Variants in GPHN observed in about 807,000 individuals in gnomAD.
The protein encoded by GPHN is gephyrin.
Under a neutral mutation model 95.5 loss-of-function variants are expected in GPHN, and 17 were observed. The ratio of observed to expected loss-of-function variants is 0.18; its 90% CI spans 0.12 to 0.27. GPHN has a LOEUF of 0.27. Ranked by LOEUF, GPHN falls within the 10% of genes least tolerant of loss-of-function variation. The probability of loss-of-function intolerance (pLI) is 1.00; values close to 1 mark genes in which losing one functional copy is unlikely to be tolerated. For missense variants in GPHN, 660 were observed against 978.1 expected, an observed-to-expected ratio of 0.67 and a Z score of 4.34; for synonymous variants, 320 against 322.5, an observed-to-expected ratio of 0.99 and a Z score of 0.08.
the GPHN span, among the ~76,000 whole-genome samples, chr14:67,344,888 A>AAAAC: frequency 4.6e-5 from 7 of 151,902 alleles, no homozygotes; most frequent in Non-Finnish European, 8.8e-5. Flanking sequence ...CTCAAAGAAA[A>AAAAC]AAACAAACAA....
intron 12 of GPHN, among the ~76,000 whole-genome samples, chr14:67,097,721 A>T (rs1297445713): frequency 1.3e-5 from 2 of 152,080 alleles, no homozygotes; most frequent in Non-Finnish European, 2.9e-5. Context: ...GGTTTTCTTA[A>T]TTTGTATTTA....
At chr14:66,980,316 A>G (rs768616705) in intron 9 of GPHN, among the ~76,000 whole-genome samples, 1 of 152,188 alleles carries the variant, frequency 6.6e-6, no homozygotes, top group Non-Finnish European at 1.5e-5. Context: ...CATCCAGGCT[A>G]AGCCAGTCTC....
At chr14:67,123,539 G>A (rs2079124162) in intron 17 of GPHN, among the ~76,000 whole-genome samples, 1 of 152,152 alleles carries the variant, frequency 6.6e-6, no homozygotes, top group African/African-American at 2.4e-5. Context: ...GCCTAGGTGT[G>A]GTGGTACACA....
chr14:67,637,410 C>CAAAAAAAAAAAAAAAAAA, the GPHN span, among the ~76,000 whole-genome samples: 1 of 103,620 alleles, frequency 9.7e-6, no homozygotes, highest in African/African-American at 4.5e-5. Flanking sequence ...GACTCTGTCT[C>CAAAAAAAAAAAAAAAAAA]AAAAAAAAAA....
At chr14:67,321,313 G>C in the GPHN span, 3 of 1,545,608 alleles carry the variant, frequency 1.9e-6, no homozygotes, top group Non-Finnish European at 2.7e-6. Context: ...GTCATATAGA[G>C]TAATCTAGTG....
At chr14:67,396,008 G>A in the GPHN span, among the ~76,000 whole-genome samples, 3 of 152,234 alleles carry the variant, frequency 2.0e-5, no homozygotes, top group African/African-American at 7.2e-5. Context: ...GGATATTAAT[G>A]CCTACCTCAA....
chr14:67,081,461 C>A (rs1477676669), intron 11 of GPHN, among the ~76,000 whole-genome samples: 1 of 152,008 alleles, frequency 6.6e-6, no homozygotes, highest in East Asian at 1.9e-4. Context: ...TTTTTTCATG[C>A]TAATTTGCTT....
the GPHN span, among the ~76,000 whole-genome samples, chr14:67,728,553 G>A: frequency 6.6e-6 from 1 of 152,088 alleles, no homozygotes; most frequent in South Asian, 2.1e-4. Context: ...CTGTGACTTA[G>A]TTTTCTTTGT....
the GPHN span, among the ~76,000 whole-genome samples, chr14:67,378,595 T>G: frequency 6.6e-6 from 1 of 152,212 alleles, no homozygotes; most frequent in Non-Finnish European, 1.5e-5. Flanking sequence ...ATTTCTGTCC[T>G]GCAGTCCTCA....
chr14:67,392,958 C>T, the GPHN span: 7 of 982,374 alleles, frequency 7.1e-6, no homozygotes, highest in Non-Finnish European at 9.2e-6. Flanking sequence ...CAGGGCTCTA[C>T]GCAAGAGCAG....
chr14:66,942,561 T>A (rs538250018), intron 8 of GPHN, among the ~76,000 whole-genome samples: 22 of 152,330 alleles, frequency 1.4e-4, no homozygotes, highest in African/African-American at 5.3e-4. Flanking sequence ...ACAGAGAAGT[T>A]TGGTTATCTT....
chr14:66,916,928 G>A (rs893699653), intron 6 of GPHN, among the ~76,000 whole-genome samples: 87 of 152,224 alleles, frequency 5.7e-4, no homozygotes, highest in African/African-American at 2.1e-3. Context: ...AGACACAGCA[G>A]TAGTATCAGT....
At chr14:67,602,023 C>G in the GPHN span, among the ~76,000 whole-genome samples, 1 of 151,990 alleles carries the variant, frequency 6.6e-6, no homozygotes, top group African/African-American at 2.4e-5. Flanking sequence ...CTTTATTTTT[C>G]TAGTTTTATT....
At chr14:66,774,043 G>C (rs536364134) in intron 2 of GPHN, among the ~76,000 whole-genome samples, 1 of 118,524 alleles carries the variant, frequency 8.4e-6, no homozygotes, top group African/African-American at 3.5e-5. Context: ...TCGCCCTGTC[G>C]CCCAGGTTGG....
chr14:66,857,071 T>G (rs1393714990), intron 4 of GPHN, among the ~76,000 whole-genome samples: 2 of 152,168 alleles, frequency 1.3e-5, no homozygotes, highest in Non-Finnish European at 2.9e-5. Flanking sequence ...GTCACCATTA[T>G]TTGTTCTAGA....
chr14:67,213,509 GC>G, the GPHN span, among the ~76,000 whole-genome samples: 2 of 151,158 alleles, frequency 1.3e-5, no homozygotes, highest in Non-Finnish European at 3.0e-5. Context: ...ATTTTTTATG[GC>G]TGCATAGTAT....
chr14:66,527,881 T>C (rs1392596804), intron 1 of GPHN, among the ~76,000 whole-genome samples: 1 of 152,204 alleles, frequency 6.6e-6, no homozygotes, highest in Admixed American at 6.5e-5. Flanking sequence ...GTGTTTTACT[T>C]CCAATTATAT....
intron 5 of GPHN, among the ~76,000 whole-genome samples, chr14:66,897,044 A>C (rs935401851): frequency 1.2e-4 from 18 of 152,132 alleles, no homozygotes; most frequent in Admixed American, 2.0e-4. Flanking sequence ...TTTTCAAAAA[A>C]ATTTTATTAA....
the GPHN span, among the ~76,000 whole-genome samples, chr14:67,605,439 T>G: frequency 6.6e-6 from 1 of 152,140 alleles, no homozygotes; most frequent in African/African-American, 2.4e-5. Context: ...TCACTATAAC[T>G]TCAAATTCCT....
Sources: allele counts gnomAD v4.1 joint callset (sites outside exome capture counted in the v4.1 genomes callset), GRCh38; gene constraint gnomAD v4.1.1; transcripts MANE v1.5; gene names NCBI Gene and HGNC (gene_info 2026-07-23, HGNC 2026-07-21).